The following TTLL9 variants were observed in gnomAD, a reference collection of about 807,000 sequenced individuals.
TTLL9 encodes probable tubulin polyglutamylase TTLL9.
A neutral mutation model predicts 65.6 loss-of-function variants in TTLL9; 47 were observed. The ratio of observed to expected loss-of-function variants is 0.72; its 90% CI spans 0.57 to 0.91. The LOEUF (loss-of-function observed/expected upper bound fraction) is 0.91. Ranked by LOEUF, TTLL9 falls within the 40% of genes least tolerant of loss-of-function variation. The probability of loss-of-function intolerance (pLI) is 0.00; values close to 1 mark genes in which losing one functional copy is unlikely to be tolerated. For synonymous variants in TTLL9, 179 were observed against 204.8 expected, an observed-to-expected ratio of 0.87 and a Z score of 1.07; for missense variants, 537 against 568.8, an observed-to-expected ratio of 0.94 and a Z score of 0.57.
At chr20:31,930,868 C>T (rs980868096) in intron 10 of TTLL9, among the ~76,000 whole-genome samples, 4 of 152,248 alleles carry the variant, frequency 2.6e-5, no homozygotes, top group South Asian at 2.1e-4. Flanking sequence ...TCTCTAGAGA[C>T]GGGAGGCTCT....
At chr20:31,921,372 G>A (rs2063813552) in intron 7 of TTLL9, among the ~76,000 whole-genome samples, 1 of 152,216 alleles carries the variant, frequency 6.6e-6, no homozygotes, top group Non-Finnish European at 1.5e-5. Context: ...TACACTGTTG[G>A]TGGGACTGTA....
At chr20:31,924,933 C>T in intron 8 of TTLL9, 76 bp from the exon 9 acceptor site, 1 of 1,543,036 alleles carries the variant, frequency 6.5e-7, no homozygotes, top group Non-Finnish European at 8.9e-7. Flanking sequence ...CTGTCCACTG[C>T]TATTTTCCCA....
chr20:31,921,458 C>A (rs2063814993), intron 7 of TTLL9, among the ~76,000 whole-genome samples: 1 of 152,188 alleles, frequency 6.6e-6, no homozygotes, highest in African/African-American at 2.4e-5. Flanking sequence ...TTTGACCCAG[C>A]CATCCCATTA....
chr20:31,899,714 T>A (rs1568771408), intron 4 of TTLL9, among the ~76,000 whole-genome samples: 1 of 150,942 alleles, frequency 6.6e-6, no homozygotes, highest in African/African-American at 2.4e-5. Context: ...CACAGCTTAC[T>A]GGCCAGACCT....
intron 3 of TTLL9, among the ~76,000 whole-genome samples, chr20:31,896,209 C>A (rs995651255): frequency 1.3e-5 from 2 of 151,864 alleles, no homozygotes; most frequent in African/African-American, 4.8e-5. Flanking sequence ...AGCTCCTGAC[C>A]TCAAATGATC....
At chr20:31,874,880 G>A (rs908673281) in intron 2 of TTLL9, among the ~76,000 whole-genome samples, 8 of 152,120 alleles carry the variant, frequency 5.3e-5, no homozygotes, top group Non-Finnish European at 8.8e-5. Flanking sequence ...ATCGAAGGGG[G>A]CCCACAGCCA....
Position 31,937,054 on chromosome 20 carries a change from T to C in TTLL9, c.1005-342T>C, listed in dbSNP as rs759111668. 2.1e-5 allele frequency among the ~76,000 whole-genome samples: 3 copies of C among 142,144 alleles called. No homozygotes were observed. In the Admixed American group the frequency reaches 2.2e-4, roughly 10 times the overall value. The allele number at this position is 142,144 out of a possible 152,430, so 93.3% of individuals were successfully genotyped here. A position where few individuals can be genotyped will look rare whatever the true frequency, so the allele number is the denominator to read the frequency against. On this transcript the variant is annotated intron_variant, in intron 12 of 14. Transcript: ENST00000535842. ...CAGAGGTTGCAGTGAGCTGAGATCA[T>C]GCCATTGCACTCCAGCCTGGGCGAC...
chr20:31,934,417 G>A (rs755826931), intron 11 of TTLL9: 2 of 608,510 alleles, frequency 3.3e-6, no homozygotes, highest in South Asian at 3.0e-5. Flanking sequence ...TGGTCAGTGT[G>A]GTCTGTCCTT....
At chr20:31,903,094 T>G (rs1206862673) in intron 4 of TTLL9, among the ~76,000 whole-genome samples, 1 of 152,098 alleles carries the variant, frequency 6.6e-6, no homozygotes, top group Non-Finnish European at 1.5e-5. Flanking sequence ...CATCTTGAAC[T>G]TCTGGACTTG....
chr20:31,930,064 G>C (rs868544451), intron 10 of TTLL9, among the ~76,000 whole-genome samples: 1 of 152,074 alleles, frequency 6.6e-6, no homozygotes, highest in Non-Finnish European at 1.5e-5. Flanking sequence ...GGAGGTGGAG[G>C]TTGCAGTGAG....
At chr20:31,936,394 C>T (rs758289640) in intron 12 of TTLL9, among the ~76,000 whole-genome samples, 2 of 151,780 alleles carry the variant, frequency 1.3e-5, no homozygotes, top group African/African-American at 2.4e-5. Context: ...GACTTGAGGC[C>T]AGGGGTTCAA....
At chr20:31,927,636 T>C (rs537883887) in intron 10 of TTLL9, among the ~76,000 whole-genome samples, 3 of 152,274 alleles carry the variant, frequency 2.0e-5, no homozygotes, top group South Asian at 2.1e-4. Flanking sequence ...CTGGTCAAAA[T>C]AGACACATCA....
intron 10 of TTLL9, among the ~76,000 whole-genome samples, chr20:31,933,216 G>A (rs569289344): frequency 6.6e-6 from 1 of 152,156 alleles, no homozygotes. Flanking sequence ...TGGTGACGAT[G>A]GTGATGGTAC....
At chr20:31,931,148 C>T (rs1568831660) in intron 10 of TTLL9, among the ~76,000 whole-genome samples, 2 of 147,806 alleles carry the variant, frequency 1.4e-5, no homozygotes, top group South Asian at 2.2e-4. Flanking sequence ...GGCACAATCA[C>T]GGTTCACTAC....
At chr20:31,888,978 A>C (rs891031347) in intron 3 of TTLL9, among the ~76,000 whole-genome samples, 4 of 152,066 alleles carry the variant, frequency 2.6e-5, no homozygotes, top group South Asian at 2.1e-4. Flanking sequence ...TTTTAACTTG[A>C]GATTTGGAGG....
Position 31,943,107 on chromosome 20 carries a change from G to C in TTLL9, c.*86G>C, listed in dbSNP as rs1004463376. On this transcript the variant is annotated 3_prime_UTR_variant, in exon 15 of 15. Transcript: ENST00000535842. ...CCAGATCCCAGCACAGCACCTCACA[G>C]CATTCGCCTCCCCACCTCCAGCCTG... 50 of 1,271,574 alleles carry C rather than the reference G, an allele frequency of 3.9e-5. No individual in the cohort carries two copies. In the African/African-American group the frequency reaches 7.2e-4, roughly 18 times the overall value. 78.8% of individuals were successfully genotyped at this position (1,271,574 alleles called of 1,614,324 possible).
At chr20:31,906,953 A>G (rs1001293001) in intron 4 of TTLL9, among the ~76,000 whole-genome samples, 1 of 152,214 alleles carries the variant, frequency 6.6e-6, no homozygotes, top group Non-Finnish European at 1.5e-5. Context: ...CCCAGCCCCA[A>G]ACACCTTTTA....
rs2064243831 is a variant in TTLL9, at chr20:31,943,066, G to A, written c.*45G>A. The A allele has an allele frequency of 1.3e-6, 2 of 1,570,628 alleles. No individual in the cohort carries two copies. The highest frequency in any genetic ancestry group is 1.8e-6 in the Non-Finnish European group (2 of 1,142,342). On this transcript the variant is annotated 3_prime_UTR_variant, in exon 15 of 15. Transcript: ENST00000535842. ...AATCAGCCTTAGCAGGTGCCACCCA[G>A]GCCTCCCCCCCACTCCCAGATCCCA... is the stretch of plus-strand genomic sequence containing the variant.
Position 31,880,475 on chromosome 20 carries a change from A to G in TTLL9, c.70-6721A>G, listed in dbSNP as rs145488122. ...GGGAAAATGAATTACAGTAAAATTC[A>G]GCTCTCCGCACCCCAACCGACTTTT... On this transcript the variant is annotated intron_variant, in intron 2 of 14. Transcript: ENST00000535842. Among the ~76,000 whole-genome samples, 544 of 151,780 alleles carry G rather than the reference A, an allele frequency of 3.6e-3. 3 individuals carry two copies. The highest frequency in any genetic ancestry group is 0.012 in the African/African-American group (511 of 41,398).
Sources: allele counts gnomAD v4.1 joint callset (sites outside exome capture counted in the v4.1 genomes callset), GRCh38; gene constraint gnomAD v4.1.1; transcripts MANE v1.5; gene names NCBI Gene and HGNC (gene_info 2026-07-23, HGNC 2026-07-21).